XRCC3: variants seen among roughly 807,000 people sequenced by gnomAD.
The protein encoded by XRCC3 is DNA repair protein XRCC3.
In XRCC3, 34 loss-of-function variants were observed where a neutral mutation model predicts 29.2. The observed-to-expected ratio is 1.16, with a 90% confidence interval of 0.88 to 1.55. The LOEUF (loss-of-function observed/expected upper bound fraction) is 1.55, where lower values mean the gene tolerates loss of function less well. XRCC3 is among the 40% of genes most tolerant of loss of function. The pLI is 0.00. For missense variants in XRCC3, 463 were observed against 467.6 expected (o/e 0.99, Z 0.09); for synonymous variants, 223 against 211.3 (o/e 1.06, Z -0.48).
In XRCC3 at chr14:103,698,966, C is replaced by G; in HGVS notation, c.873G>C (p.Gln291His). 1 of 1,600,492 alleles carries G rather than the reference C, an allele frequency of 6.2e-7. No homozygotes were observed. The highest frequency in any genetic ancestry group is 8.5e-7 in the Non-Finnish European group (1 of 1,173,754). ...SPALGITWAN[Q>H]LLVRLLADRL... ...GGTCAGCCAGCAGTCTCACCAGGAG[C>G]TGGTTAGCCCAGGTTATGCCAAGGG... The change falls in exon 10 of 10, where the codon CAG becomes CAC. Residue 291 changes from glutamine to histidine, a missense_variant. Coordinates refer to ENST00000555055, the MANE Select transcript of XRCC3 (RefSeq NM_005432.4).
intron 1 of XRCC3, among the ~76,000 whole-genome samples, chr14:103,715,109 G>A (rs1476013168): frequency 5.3e-5 from 8 of 152,192 alleles, no homozygotes; most frequent in Admixed American, 5.2e-4. Context: ...GCAGCCGCGG[G>A]CCCACCTCGG....
chr14:103,708,064 C>G (rs1399632483), intron 5 of XRCC3: 2 of 289,088 alleles, frequency 6.9e-6, no homozygotes, highest in Admixed American at 9.7e-5. Context: ...CCTACTAGGG[C>G]CTGCTGAGAT....
intron 4 of XRCC3, 180 bp downstream of exon 4, chr14:103,710,853 A>AC (rs139961690): frequency 5.9e-5 from 33 of 563,364 alleles, no homozygotes; most frequent in Non-Finnish European, 8.0e-5. Context: ...TGTAGTTAAG[A>AC]ACACACACAC....
chr14:103,714,590 A>C (rs1306060419), intron 1 of XRCC3, among the ~76,000 whole-genome samples: 2 of 152,152 alleles, frequency 1.3e-5, no homozygotes, highest in Non-Finnish European at 1.5e-5. Context: ...TCCACCCCGG[A>C]TGACAGAGCC....
In XRCC3 at chr14:103,698,750, C is replaced by T. The variant is rs1276162892; in HGVS notation, c.*48G>A. 28 of 1,531,788 alleles carry T rather than the reference C, an allele frequency of 1.8e-5. No homozygotes were observed. The highest frequency in any genetic ancestry group is 8.3e-5 in the South Asian group (7 of 83,976). The allele number at this position is 1,531,788 out of a possible 1,614,324, so 94.9% of individuals were successfully genotyped here. On this transcript the variant is annotated 3_prime_UTR_variant, in exon 10 of 10. Transcript: ENST00000555055. ...AGACGCGTTTTAAAGGCCCGAGCCC[C>T]GTGTGTCGGGGCTTCTCAGGCAGGG... is the stretch of plus-strand genomic sequence containing the variant.
chr14:103,701,318 C>T, intron 7 of XRCC3: 1 of 1,105,392 alleles, frequency 9.0e-7, no homozygotes, highest in Non-Finnish European at 1.3e-6. Flanking sequence ...TCACTCATTT[C>T]TCCTGCGTCT....
intron 2 of XRCC3, chr14:103,711,798 T>C: frequency 2.3e-6 from 1 of 440,270 alleles, no homozygotes; most frequent in Non-Finnish European, 4.6e-6. Context: ...AGCAGGCTGC[T>C]CAGGGACTCA....
At chr14:103,707,279 G>A (rs772725668) in intron 5 of XRCC3, 64 bp from the exon 6 acceptor site, 289 of 1,532,548 alleles carry the variant, frequency 1.9e-4, no homozygotes, top group Middle Eastern at 9.2e-4. Flanking sequence ...TGGGGACTGC[G>A]GGAGGCATGG....
intron 2 of XRCC3, 55 bp from the exon 3 acceptor site, chr14:103,711,622 C>T (rs1220204712): frequency 4.4e-6 from 2 of 456,334 alleles, no homozygotes; most frequent in African/African-American, 2.0e-5. Context: ...GGGATCCAAA[C>T]ATCAGTCGCC....
rs550351783 is a variant in XRCC3, at chr14:103,700,774, G to T, written c.562-1198C>A. On this transcript the variant is annotated intron_variant, in intron 7 of 9. Coordinates refer to ENST00000555055, the MANE Select transcript of XRCC3 (RefSeq NM_005432.4). ...CCCAGGAAGCAGGCAGCTGGGCCAG[G>T]GAGGGACTTTGCACATGCAGGGACT... The T allele has an allele frequency of 8.2e-6, 12 of 1,464,452 alleles. No individual in the cohort carries two copies. In the African/African-American group the frequency reaches 1.7e-4, roughly 21 times the overall value. The allele number at this position is 1,464,452 out of a possible 1,614,324, so 90.7% of individuals were successfully genotyped here.
chr14:103,699,516 G>A lies in XRCC3; in HGVS notation c.622C>T (p.Arg208Cys), dbSNP rs1303525348. The change falls in exon 8 of 10, where the codon CGC becomes TGC. Residue 208 changes from arginine (R) to cysteine (C), a missense_variant. Transcript: ENST00000555055. ...VPVLLSRGMA[R>C]LVVIDSVAAP... ...GCCACCGAGTCGATGACCACCAGGC[G>A]AGCCATGCCCCGAGACAGCAGTACG... The A allele has an allele frequency of 6.2e-6, 10 of 1,613,290 alleles. No homozygotes were observed. The highest frequency in any genetic ancestry group is 3.3e-5 in the South Asian group (3 of 91,064).
chr14:103,708,677 A>G lies in XRCC3; in HGVS notation c.56-18T>C, dbSNP rs2083526386. ...CAGTTTGGCTGAAATAACACAGATAAATTACAGGAAAATGTCAGACTGTCA... is the reference window on the plus strand; with the variant it reads ...CAGTTTGGCTGAAATAACACAGATAGATTACAGGAAAATGTCAGACTGTCA... On this transcript the variant is annotated intron_variant, in intron 4 of 9. Transcript: ENST00000555055. 3 of 1,613,976 alleles carry G rather than the reference A, an allele frequency of 1.9e-6. No homozygotes were observed. Among genetic ancestry groups the G allele is most frequent in the Non-Finnish European group, 2.5e-6 (3 of 1,179,946 alleles).
chr14:103,708,997 C>G, intron 4 of XRCC3: 1 of 367,824 alleles, frequency 2.7e-6, no homozygotes, highest in South Asian at 2.1e-5. Context: ...GACAGGCACC[C>G]AGTTCCATGC....
chr14:103,702,891 G>A (rs2083281486), intron 7 of XRCC3: 3 of 477,664 alleles, frequency 6.3e-6, no homozygotes, highest in Admixed American at 3.3e-5. Flanking sequence ...ATCCTCCACA[G>A]TCCCCAGAGG....
intron 5 of XRCC3, chr14:103,708,035 T>G: frequency 4.1e-6 from 1 of 243,164 alleles, no homozygotes; most frequent in Non-Finnish European, 8.2e-6. Flanking sequence ...AGGGCCCTGC[T>G]CATGCCAGGA....
At chr14:103,706,120 C>T (rs918706722) in intron 6 of XRCC3, 15 of 349,838 alleles carry the variant, frequency 4.3e-5, no homozygotes, top group East Asian at 7.6e-5. Flanking sequence ...CCACCCGACA[C>T]GGAGGCTCAG....
intron 4 of XRCC3, chr14:103,709,708 C>T (rs2083558787): frequency 6.6e-6 from 1 of 152,248 alleles, no homozygotes; most frequent in Admixed American, 6.5e-5. Flanking sequence ...CAGGGCGCTC[C>T]CCCTGGTAAG....
intron 1 of XRCC3, among the ~76,000 whole-genome samples, chr14:103,714,436 T>G (rs1419829937): frequency 2.2e-5 from 3 of 138,360 alleles, no homozygotes; most frequent in Non-Finnish European, 4.6e-5. Flanking sequence ...AAGACCAGCC[T>G]GGGCAACACA....
intron 4 of XRCC3, chr14:103,710,228 T>A (rs1302017777): frequency 6.6e-6 from 1 of 152,224 alleles, no homozygotes; most frequent in African/African-American, 2.4e-5. Flanking sequence ...CAATGGCCAG[T>A]ATGCACCCAG....
Sources: gnomAD v4.1 joint callset for allele counts (sites outside exome capture counted in the v4.1 genomes callset) on GRCh38, gnomAD v4.1.1 for gene constraint, MANE v1.5 for transcripts, NCBI Gene and HGNC (gene_info 2026-07-23, HGNC 2026-07-21) for gene names.